Variants in CSMD1 observed in about 807,000 individuals in gnomAD.
CSMD1 encodes CUB and Sushi multiple domains 1.
Under a neutral mutation model 417.5 loss-of-function variants are expected in CSMD1, and 213 were observed. The observed-to-expected ratio is 0.51, with a 90% CI of 0.46 to 0.57. The LOEUF (loss-of-function observed/expected upper bound fraction) is 0.57, where lower values mean the gene tolerates loss of function less well. CSMD1 is among the 20% of genes least tolerant of loss of function. The pLI, the probability that CSMD1 is intolerant of heterozygous loss-of-function variation, is 0.00. For missense variants in CSMD1, 6,923 were observed against 4,529.7 expected, an observed-to-expected ratio of 1.53 and a Z score of -15.17; for synonymous variants, 2,862 against 1,736.8, an observed-to-expected ratio of 1.65 and a Z score of -16.11.
chr8:3,322,469 G>T (rs921143454), intron 23 of CSMD1, among the ~76,000 whole-genome samples: 1 of 152,150 alleles, frequency 6.6e-6, no homozygotes, highest in Non-Finnish European at 1.5e-5. Flanking sequence ...TATAGATCTT[G>T]TTTTACGCTA....
rs1186589324 is a variant in CSMD1 at position 4,592,133 on chromosome 8, T to G, written c.302+45209A>C. Among the ~76,000 whole-genome samples, 3 of 152,010 alleles carry G rather than the reference T, an allele frequency of 2.0e-5. No individual in the cohort carries two copies. The East Asian group carries it at 5.8e-4, about 29-fold the overall frequency. On this transcript the variant is annotated intron_variant, in intron 2 of 69. Coordinates refer to ENST00000635120, the MANE Select transcript of CSMD1 (RefSeq NM_033225.6). ...CGGCTTTGCTGGCATAACGGATTCCTGATTTATAACATTTGCCAATTTCTG... is the reference window on the plus strand; with the variant it reads ...CGGCTTTGCTGGCATAACGGATTCCGGATTTATAACATTTGCCAATTTCTG...
intron 41 of CSMD1, among the ~76,000 whole-genome samples, chr8:3,131,964 G>A (rs1171575304): frequency 6.6e-6 from 1 of 152,054 alleles, no homozygotes; most frequent in Non-Finnish European, 1.5e-5. Context: ...GTCTTAACAG[G>A]GGATGCAAAT....
intron 11 of CSMD1, among the ~76,000 whole-genome samples, chr8:3,480,095 A>G (rs1006735781): frequency 6.6e-5 from 10 of 152,172 alleles, no homozygotes; most frequent in African/African-American, 2.4e-4. Flanking sequence ...GTGGTGACTC[A>G]CATCTGTAAT....
At chr8:4,152,855 T>G (rs927529986) in intron 3 of CSMD1, among the ~76,000 whole-genome samples, 11 of 152,218 alleles carry the variant, frequency 7.2e-5, no homozygotes, top group African/African-American at 1.4e-4. Flanking sequence ...CATGTGTATT[T>G]ATGGAGAAAT....
intron 23 of CSMD1, among the ~76,000 whole-genome samples, chr8:3,334,265 C>G (rs1404509606): frequency 6.6e-6 from 1 of 152,158 alleles, no homozygotes; most frequent in Non-Finnish European, 1.5e-5. Context: ...ACATACCCTG[C>G]TCTTCACCTT....
chr8:3,716,210 C>T (rs1408768878), intron 6 of CSMD1, among the ~76,000 whole-genome samples: 1 of 152,108 alleles, frequency 6.6e-6, no homozygotes, highest in African/African-American at 2.4e-5. Context: ...TATTTATTGC[C>T]ATACTGTGGC....
intron 10 of CSMD1, among the ~76,000 whole-genome samples, chr8:3,566,479 C>T (rs746643792): frequency 6.6e-6 from 1 of 152,092 alleles, no homozygotes; most frequent in Non-Finnish European, 1.5e-5. Flanking sequence ...CTCCACCAGC[C>T]CCTCCTGGTG....
chr8:4,218,232 C>G (rs1004714671), intron 3 of CSMD1, among the ~76,000 whole-genome samples: 4 of 152,110 alleles, frequency 2.6e-5, no homozygotes, highest in Admixed American at 6.5e-5. Flanking sequence ...TTATGAGTAT[C>G]CCAGGGATGT....
At chr8:4,737,136 A>G (rs538585477) in intron 1 of CSMD1, among the ~76,000 whole-genome samples, 5 of 150,120 alleles carry the variant, frequency 3.3e-5, no homozygotes, top group Admixed American at 6.6e-5. Context: ...CATCCATACC[A>G]TGGAATATTA....
chr8:4,929,192 G>A (rs1807071470), intron 1 of CSMD1, among the ~76,000 whole-genome samples: 1 of 152,172 alleles, frequency 6.6e-6, no homozygotes, highest in Non-Finnish European at 1.5e-5. Flanking sequence ...AAAGGGAACA[G>A]AGCACGAGGG....
chr8:4,287,024 G>C (rs779128), intron 3 of CSMD1, among the ~76,000 whole-genome samples: 141,087 of 152,236 alleles, frequency 0.93, 66,317 homozygotes, highest in East Asian at 1. Flanking sequence ...TGAAAAATAA[G>C]AAACTTCATT....
At chr8:3,967,216 C>A (rs539059654) in intron 5 of CSMD1, among the ~76,000 whole-genome samples, 3 of 151,994 alleles carry the variant, frequency 2.0e-5, no homozygotes, top group Non-Finnish European at 4.4e-5. Context: ...TTGCTCTTCC[C>A]CACTTCAGCT....
intron 16 of CSMD1, among the ~76,000 whole-genome samples, chr8:3,397,265 C>T (rs911403009): frequency 2.6e-5 from 4 of 152,110 alleles, no homozygotes; most frequent in African/African-American, 4.8e-5. Context: ...AAGGATCCCA[C>T]GGAAGCCTGT....
At chr8:3,730,106 C>G (rs943789859) in intron 6 of CSMD1, among the ~76,000 whole-genome samples, 3 of 152,044 alleles carry the variant, frequency 2.0e-5, no homozygotes, top group Admixed American at 2.0e-4. Flanking sequence ...TTCCCGTTTG[C>G]AAAAGTAAAC....
chr8:4,288,513 C>G (rs533318320), intron 3 of CSMD1, among the ~76,000 whole-genome samples: 4 of 152,164 alleles, frequency 2.6e-5, no homozygotes, highest in Admixed American at 6.5e-5. Context: ...TAGGTTTACC[C>G]AGTAGTAGCA....
intron 8 of CSMD1, among the ~76,000 whole-genome samples, chr8:3,605,094 A>G (rs941074161): frequency 6.6e-6 from 1 of 152,148 alleles, no homozygotes; most frequent in Admixed American, 6.6e-5. Flanking sequence ...TCCCAGGTTC[A>G]AGTGATTCTC....
rs1030513329 is a variant in CSMD1, at chr8:4,671,167, A to C, written c.86-33609T>G. Among the ~76,000 whole-genome samples the C allele has an allele frequency of 5.9e-5, 9 of 152,264 alleles. No homozygotes were observed. The East Asian group carries it at 1.7e-3, about 29-fold the overall frequency. ...ATCCTGCGGCATGATTTATGTACCT[A>C]TGATGCTTAGTATTCCATTCCTCTT... On this transcript the variant is annotated intron_variant, in intron 1 of 69. Coordinates refer to ENST00000635120, the MANE Select transcript of CSMD1 (RefSeq NM_033225.6).
chr8:3,983,216 C>G (rs1419521890), intron 5 of CSMD1, among the ~76,000 whole-genome samples: 1 of 150,542 alleles, frequency 6.6e-6, no homozygotes, highest in Non-Finnish European at 1.5e-5. Flanking sequence ...CTGCAAGCTC[C>G]ACCTCCCGGG....
In CSMD1 at chr8:4,949,325, C is replaced by A. The variant is rs140111133; in HGVS notation, c.85+45007G>T. ...TTTTGTTAAAAAAAAGTTATTTTGG[C>A]CTCATTAACTGATATTTCACTTTAT... On this transcript the variant is annotated intron_variant, in intron 1 of 69. Coordinates refer to ENST00000635120, the MANE Select transcript of CSMD1 (RefSeq NM_033225.6). 1.9e-4 allele frequency among the ~76,000 whole-genome samples: 29 copies of A among 152,168 alleles called. No homozygotes were observed. In the East Asian group the frequency reaches 5.2e-3, roughly 27 times the overall value.
Sources: gnomAD v4.1 joint callset for allele counts (sites outside exome capture counted in the v4.1 genomes callset) on GRCh38, gnomAD v4.1.1 for gene constraint, MANE v1.5 for transcripts, NCBI Gene and HGNC (gene_info 2026-07-23, HGNC 2026-07-21) for gene names.